The following KIF24 variants were observed in gnomAD, a reference collection of about 807,000 sequenced individuals.
The protein encoded by KIF24 is kinesin family member 24.
In KIF24, 81 loss-of-function variants were observed where a neutral mutation model predicts 118.9. The ratio of observed to expected loss-of-function variants is 0.68; its 90% CI spans 0.57 to 0.82. KIF24 has a LOEUF of 0.82. KIF24 is among the 40% of genes least tolerant of loss of function. The pLI is 0.00. For missense variants in KIF24, 1,560 were observed against 1,661.6 expected, an observed-to-expected ratio of 0.94 and a Z score of 1.06; for synonymous variants, 599 against 610.0, an observed-to-expected ratio of 0.98 and a Z score of 0.27.
chr9:34,290,475 T>C, intron 4 of KIF24, 86 bp from the exon 5 acceptor site: 1 of 792,530 alleles, frequency 1.3e-6, no homozygotes, highest in South Asian at 1.9e-5. Context: ...AGGTCAAATG[T>C]AAACATAGAA....
chr9:34,290,559 A>AGTTT, intron 4 of KIF24, among the ~76,000 whole-genome samples, 170 bp from the exon 5 acceptor site: 1 of 152,088 alleles, frequency 6.6e-6, no homozygotes. Context: ...GAACACAGGA[A>AGTTT]GAGGAAAAAA....
Position 34,255,942 on chromosome 9 carries a change from T to TACAA in KIF24, c.3664_3665insTTGT (p.Gln1222LeufsTer29). 6.2e-7 allele frequency: 1 copy of TACAA among 1,614,028 alleles called. No homozygotes were observed. Among genetic ancestry groups the TACAA allele is most frequent in the Non-Finnish European group, 8.5e-7 (1 of 1,179,870 alleles). ...AAGCCTTGTAGGATGTTTTCTCTCC[T>TACAA]GGGCCCAGAGCTGGTCAGCCACATC... On this transcript the variant is annotated frameshift_variant, in exon 11 of 13. Transcript: ENST00000402558. LOFTEE classifies it high-confidence loss of function.
chr9:34,315,053 T>C (rs1367831864), intron 1 of KIF24, among the ~76,000 whole-genome samples: 1 of 152,320 alleles, frequency 6.6e-6, no homozygotes, highest in East Asian at 1.9e-4. Flanking sequence ...AGGGTGATTA[T>C]GGGAAGGAAA....
intron 1 of KIF24, among the ~76,000 whole-genome samples, chr9:34,316,953 G>A (rs372340647): frequency 1.3e-5 from 2 of 151,960 alleles, no homozygotes; most frequent in African/African-American, 4.8e-5. Flanking sequence ...GGTGGCTCAC[G>A]CTTGTAATCC....
At chr9:34,263,555 G>A (rs1279201962) in intron 8 of KIF24, among the ~76,000 whole-genome samples, 1 of 152,004 alleles carries the variant, frequency 6.6e-6, no homozygotes, top group African/African-American at 2.4e-5. Flanking sequence ...CACTTAAACA[G>A]ACAAAATATC....
chr9:34,329,729 T>G (rs1050561745), upstream of KIF24: 1 of 152,352 alleles, frequency 6.6e-6, no homozygotes, highest in African/African-American at 2.4e-5. Context: ...CTCCTCTAAG[T>G]TGGCAGTGAG....
chr9:34,302,064 G>A lies in KIF24; in HGVS notation c.813+4188C>T, dbSNP rs546272887. 4.8e-4 allele frequency among the ~76,000 whole-genome samples: 67 copies of A among 140,078 alleles called. No homozygotes were observed. The East Asian group carries it at 0.014, about 29-fold the overall frequency. 91.9% of individuals were successfully genotyped at this position (140,078 alleles called of 152,430 possible). A position where few individuals can be genotyped will look rare whatever the true frequency, so the allele number is the denominator to read the frequency against. On this transcript the variant is annotated intron_variant, in intron 3 of 12. Coordinates refer to ENST00000402558, the MANE Select transcript of KIF24 (RefSeq NM_194313.4). ...GGCTGGGGTGCAGTGGCGTGATCTC[G>A]GCTCACTGCAAGCTCTGCCTCCTGG...
intron 9 of KIF24, among the ~76,000 whole-genome samples, chr9:34,261,972 C>A (rs991657018): frequency 6.6e-6 from 1 of 151,992 alleles, no homozygotes; most frequent in Admixed American, 6.6e-5. Context: ...CTCTTTTTGT[C>A]GCCCAGGCTG....
intron 5 of KIF24, among the ~76,000 whole-genome samples, chr9:34,289,433 G>A (rs1276688315): frequency 1.3e-5 from 2 of 152,090 alleles, no homozygotes; most frequent in African/African-American, 4.8e-5. Flanking sequence ...CTTCCAGGAG[G>A]CTCAGCCTCA....
Position 34,306,452 on chromosome 9 carries a change from T to G in KIF24, c.624-11A>C. 6.5e-7 allele frequency: 1 copy of G among 1,528,848 alleles called. No individual in the cohort carries two copies. Among genetic ancestry groups the G allele is most frequent in the South Asian group, 1.2e-5 (1 of 81,940 alleles). The allele number at this position is 1,528,848 out of a possible 1,614,324, so 94.7% of individuals were successfully genotyped here. ...TCTGAAGTGTTCTGTCTAATATGTT[T>G]ATAAACAGGCTTTTAATTTTTAATA... On this transcript the variant is annotated splice_polypyrimidine_tract_variant and intron_variant, in intron 2 of 12. Transcript: ENST00000402558.
chr9:34,254,357 C>T lies in KIF24; in HGVS notation c.*23G>A. Reference sequence around the variant, plus strand: ...AGCACAGACTCCTGCAGGGCCCCCACCATCTCGGCACAGGGTCTGGCTCTA... The same window carrying T: ...AGCACAGACTCCTGCAGGGCCCCCATCATCTCGGCACAGGGTCTGGCTCTA... On this transcript the variant is annotated 3_prime_UTR_variant, in exon 13 of 13. Transcript: ENST00000402558. 6.2e-7 allele frequency: 1 copy of T among 1,600,064 alleles called. No individual in the cohort carries two copies. The highest frequency in any genetic ancestry group is 8.5e-7 in the Non-Finnish European group (1 of 1,174,532).
intron 1 of KIF24, among the ~76,000 whole-genome samples, chr9:34,313,937 T>C (rs1041473607): frequency 7.2e-6 from 1 of 138,110 alleles, no homozygotes; most frequent in Non-Finnish European, 1.6e-5. Flanking sequence ...TTTTTTTTTG[T>C]AGAGAAAGGG....
chr9:34,304,203 C>T (rs1836830774), intron 3 of KIF24, among the ~76,000 whole-genome samples: 2 of 152,138 alleles, frequency 1.3e-5, no homozygotes, highest in Admixed American at 1.3e-4. Flanking sequence ...TTATTTAGCA[C>T]TCAGTTTGCT....
At chr9:34,302,204 C>T (rs1836745115) in intron 3 of KIF24, among the ~76,000 whole-genome samples, 1 of 151,804 alleles carries the variant, frequency 6.6e-6, no homozygotes, top group Admixed American at 6.6e-5. Flanking sequence ...CTGTGTTAGC[C>T]AGGATGGTCT....
intron 2 of KIF24, among the ~76,000 whole-genome samples, chr9:34,307,193 G>A (rs930059315): frequency 6.6e-6 from 1 of 152,030 alleles, no homozygotes; most frequent in Non-Finnish European, 1.5e-5. Context: ...AGCCTCCTAA[G>A]TAGCTAGGAC....
At chr9:34,300,875 GA>G (rs1836679647) in intron 3 of KIF24, among the ~76,000 whole-genome samples, 1 of 101,038 alleles carries the variant, frequency 9.9e-6, no homozygotes, top group East Asian at 3.0e-4. Flanking sequence ...AAAAAAAAAA[GA>G]AAAAACCCAC....
rs192550420 is a variant in KIF24, at chr9:34,281,674, C to A, written c.1215+4943G>T. Among the ~76,000 whole-genome samples the A allele has an allele frequency of 1.3e-3, 205 of 152,314 alleles. 1 individual carries two copies. The highest frequency in any genetic ancestry group is 8.9e-3 in the South Asian group (43 of 4,822). ...GTAGAATCAGCTAGAGAGGCTTGAA[C>A]TTTGGCATTCGCTGGAGGCATTTCT... On this transcript the variant is annotated intron_variant, in intron 6 of 12. Transcript: ENST00000402558.
At chr9:34,271,325 C>CAAAAAAAAAAAAA (rs58895274) in intron 7 of KIF24, among the ~76,000 whole-genome samples, 1 of 107,348 alleles carries the variant, frequency 9.3e-6, no homozygotes, top group African/African-American at 4.4e-5. Flanking sequence ...AGCAATCCAG[C>CAAAAAAAAAAAAA]AAAAAAAAAA....
chr9:34,263,738 A>ATTTT (rs11422359), intron 8 of KIF24, among the ~76,000 whole-genome samples: 5 of 137,658 alleles, frequency 3.6e-5, no homozygotes, highest in Admixed American at 7.6e-5. Flanking sequence ...TTTTTTCTTA[A>ATTTT]TTTTTTTTTT....
Sources: gnomAD v4.1 joint callset for allele counts (sites outside exome capture counted in the v4.1 genomes callset) on GRCh38, gnomAD v4.1.1 for gene constraint, MANE v1.5 for transcripts, NCBI Gene and HGNC (gene_info 2026-07-23, HGNC 2026-07-21) for gene names.